The following PLEKHM3 variants were observed in gnomAD, a reference collection of about 807,000 sequenced individuals.
PLEKHM3 encodes pleckstrin homology domain containing M3.
PLEKHM3 carries 45 observed loss-of-function variants against 81.8 expected under a neutral mutation model. The observed-to-expected ratio is 0.55, with a 90% CI of 0.43 to 0.71. PLEKHM3 has a LOEUF of 0.71. Ranked by LOEUF, PLEKHM3 falls within the 30% of genes least tolerant of loss-of-function variation. The pLI, the probability that PLEKHM3 is intolerant of heterozygous loss-of-function variation, is 0.00. For missense variants in PLEKHM3, 788 were observed against 924.3 expected, an observed-to-expected ratio of 0.85 and a Z score of 1.91; for synonymous variants, 352 against 356.4, an observed-to-expected ratio of 0.99 and a Z score of 0.14.
chr2:207,864,860 CTTA>C (rs1312878425), intron 6 of PLEKHM3, among the ~76,000 whole-genome samples: 4 of 152,156 alleles, frequency 2.6e-5, no homozygotes. Context: ...TAAATCTTCA[CTTA>C]TTATTGCTTA....
chr2:207,833,111 C>CAAAAAAA (rs71036960), intron 7 of PLEKHM3, among the ~76,000 whole-genome samples: 1 of 76,872 alleles, frequency 1.3e-5, no homozygotes, highest in Non-Finnish European at 2.6e-5. Flanking sequence ...GACACCATCT[C>CAAAAAAA]AAAAAAAAAA....
chr2:208,001,451 G>A lies in PLEKHM3; in HGVS notation c.189C>T (p.Val63=). 6 of 1,614,146 alleles carry A rather than the reference G, an allele frequency of 3.7e-6. No homozygotes were observed. The highest frequency in any genetic ancestry group is 5.1e-6 in the Non-Finnish European group (6 of 1,180,026). ...TCATGCCCCCCTTGCCCAGGGAGGTGACATTTCTCATAGCACCATTGTCTG... is the reference window on the plus strand; with the variant it reads ...TCATGCCCCCCTTGCCCAGGGAGGTAACATTTCTCATAGCACCATTGTCTG... ...NITDNGAMRN[V]TSLGKGGMIW... is the part of the protein sequence containing the mutation. The change falls in exon 2 of 8, where the codon GTC becomes GTT. Residue 63 remains valine, a synonymous_variant. Transcript: ENST00000427836.
At chr2:207,915,471 G>C (rs916203211) in intron 5 of PLEKHM3, among the ~76,000 whole-genome samples, 3 of 152,152 alleles carry the variant, frequency 2.0e-5, no homozygotes, top group South Asian at 4.2e-4. Flanking sequence ...GAGAAAAAAG[G>C]GATTGGGGTC....
At chr2:207,870,757 T>TTAGGTGTG (rs2092529460) in intron 6 of PLEKHM3, among the ~76,000 whole-genome samples, 1 of 152,238 alleles carries the variant, frequency 6.6e-6, no homozygotes, top group African/African-American at 2.4e-5. Flanking sequence ...CACGAGACTA[T>TTAGGTGTG]TCTGAATCCT....
intron 5 of PLEKHM3, among the ~76,000 whole-genome samples, chr2:207,923,724 C>T (rs1336913370): frequency 2.7e-5 from 4 of 150,862 alleles, no homozygotes; most frequent in Non-Finnish European, 4.4e-5. Flanking sequence ...TCTTAGAGAA[C>T]CTTAAAGCAA....
intron 5 of PLEKHM3, among the ~76,000 whole-genome samples, chr2:207,919,278 G>C (rs1238451202): frequency 6.6e-6 from 1 of 152,214 alleles, no homozygotes; most frequent in Non-Finnish European, 1.5e-5. Context: ...GACTGGAACA[G>C]AGTGAATGAG....
At chr2:207,832,773 C>T (rs573427406) in intron 7 of PLEKHM3, among the ~76,000 whole-genome samples, 1 of 146,950 alleles carries the variant, frequency 6.8e-6, no homozygotes, top group South Asian at 2.2e-4. Context: ...AGCCTGGCAA[C>T]AGAGCGAGAC....
At chr2:208,022,371 G>A (rs999131981) in intron 1 of PLEKHM3, among the ~76,000 whole-genome samples, 10 of 152,182 alleles carry the variant, frequency 6.6e-5, no homozygotes, top group Admixed American at 5.9e-4. Context: ...TCAGAAGACT[G>A]GATGGGCTTG....
intron 3 of PLEKHM3, among the ~76,000 whole-genome samples, chr2:207,972,789 G>A (rs563063270): frequency 6.6e-6 from 1 of 152,106 alleles, no homozygotes; most frequent in East Asian, 1.9e-4. Flanking sequence ...GCATAACCAT[G>A]GTCCATTTTT....
chr2:207,875,590 G>T (rs1476036994), intron 6 of PLEKHM3, among the ~76,000 whole-genome samples: 1 of 152,172 alleles, frequency 6.6e-6, no homozygotes, highest in Non-Finnish European at 1.5e-5. Flanking sequence ...CAAGTGTACA[G>T]GGAAATGTGG....
At chr2:207,833,286 G>A (rs1256175536) in intron 7 of PLEKHM3, among the ~76,000 whole-genome samples, 1 of 152,168 alleles carries the variant, frequency 6.6e-6, no homozygotes, top group Non-Finnish European at 1.5e-5. Context: ...TAATGAAAGA[G>A]AAATGTCCCT....
chr2:207,930,903 CG>C (rs763697064), intron 5 of PLEKHM3, 22 bp downstream of exon 5: 2 of 1,603,984 alleles, frequency 1.2e-6, no homozygotes, highest in Non-Finnish European at 1.7e-6. Flanking sequence ...AAACGGGAGC[CG>C]TCTGAGATTT....
rs1367659831 is a variant in PLEKHM3 at position 207,825,057 on chromosome 2, GC to G, written c.*3261del. The G allele has an allele frequency of 3.9e-5, 6 of 152,162 alleles. No homozygotes were observed. The highest frequency in any genetic ancestry group is 8.8e-5 in the Non-Finnish European group (6 of 68,036). The allele number at this position is 152,162 out of a possible 1,614,324, so 9.4% of individuals were successfully genotyped here. On this transcript the variant is annotated 3_prime_UTR_variant, in exon 8 of 8. Transcript: ENST00000427836. ...TAGAAAAGGCAGTGAAGCAAAGGGG[GC>G]TGCTGAGAGTTTACATGGTTTTCAT... is the stretch of plus-strand genomic sequence containing the variant.
At chr2:207,946,925 T>C (rs972272034) in intron 3 of PLEKHM3, among the ~76,000 whole-genome samples, 1 of 152,208 alleles carries the variant, frequency 6.6e-6, no homozygotes, top group Non-Finnish European at 1.5e-5. Flanking sequence ...GAGGAAGATA[T>C]TATTAATTCT....
intron 7 of PLEKHM3, among the ~76,000 whole-genome samples, chr2:207,847,884 T>C (rs931607086): frequency 1.3e-5 from 2 of 152,172 alleles, no homozygotes; most frequent in Non-Finnish European, 2.9e-5. Context: ...AGCTACTCCC[T>C]CCCTGAAGAC....
chr2:207,983,950 C>T (rs1288644472), intron 2 of PLEKHM3, among the ~76,000 whole-genome samples: 1 of 152,214 alleles, frequency 6.6e-6, no homozygotes, highest in East Asian at 1.9e-4. Flanking sequence ...CTCTGGGTAT[C>T]TCACAGTCCC....
chr2:207,999,134 C>T (rs1692212688), intron 2 of PLEKHM3, among the ~76,000 whole-genome samples: 2 of 152,044 alleles, frequency 1.3e-5, no homozygotes, highest in Admixed American at 6.5e-5. Context: ...AGGCACGTGC[C>T]ACCAAGCCCA....
At chr2:207,905,164 C>T (rs1001344757) in intron 6 of PLEKHM3, among the ~76,000 whole-genome samples, 44 of 152,174 alleles carry the variant, frequency 2.9e-4, no homozygotes, top group African/African-American at 9.9e-4. Context: ...TGATTTATAA[C>T]TCTTGAGTCA....
At chr2:207,927,659 G>A (rs1378890952) in intron 5 of PLEKHM3, among the ~76,000 whole-genome samples, 2 of 151,006 alleles carry the variant, frequency 1.3e-5, no homozygotes, top group East Asian at 1.9e-4. Context: ...GTGAAACCCC[G>A]TCTCTACTAA....
Sources: gnomAD v4.1 joint callset for allele counts (sites outside exome capture counted in the v4.1 genomes callset) on GRCh38, gnomAD v4.1.1 for gene constraint, MANE v1.5 for transcripts, NCBI Gene and HGNC (gene_info 2026-07-23, HGNC 2026-07-21) for gene names.